The following FAT3 variants were observed in gnomAD, a reference collection of about 807,000 sequenced individuals.
FAT3 encodes protocadherin Fat 3.
FAT3 carries 95 observed loss-of-function variants against 310.2 expected under a neutral mutation model. The ratio of observed to expected loss-of-function variants is 0.31; its 90% CI spans 0.26 to 0.36. The LOEUF is 0.36. Among genes scored for constraint, FAT3 ranks in the 10% least tolerant of loss-of-function variants. The pLI, the probability that FAT3 is intolerant of heterozygous loss-of-function variation, is 1.00. For synonymous variants in FAT3, 2,314 were observed against 2,192.9 expected (o/e 1.06, Z -1.54); for missense variants, 5,408 against 5,715.6 (o/e 0.95, Z 1.74).
chr11:92,232,739 CATT>C (rs997579292), intron 1 of FAT3, among the ~76,000 whole-genome samples: 3 of 136,020 alleles, frequency 2.2e-5, no homozygotes, highest in African/African-American at 8.2e-5. Context: ...GTCTTGTAAA[CATT>C]ATGAAGCATC....
chr11:92,624,497 A>G (rs1941234203), intron 3 of FAT3, among the ~76,000 whole-genome samples: 2 of 152,202 alleles, frequency 1.3e-5, no homozygotes, highest in South Asian at 2.1e-4. Flanking sequence ...TGGACTTGCA[A>G]TACAGAAAGA....
chr11:92,697,523 C>T (rs2135907721), intron 4 of FAT3, 78 bp downstream of exon 4: 1 of 1,315,044 alleles, frequency 7.6e-7, no homozygotes, highest in East Asian at 2.3e-5. Flanking sequence ...TAAACTACAC[C>T]TTCAATATAT....
In FAT3 at chr11:92,480,233, C is replaced by G. The variant is rs566278443; in HGVS notation, c.3293-44401C>G. On this transcript the variant is annotated intron_variant, in intron 2 of 27. Coordinates refer to ENST00000525166, the MANE Select transcript of FAT3 (RefSeq NM_001367949.2). ...CGAGCCGAGATGGCACCACTGCACT[C>G]CAGCCTGGGCGACAGAGTGAGACTC... 1.6e-3 allele frequency among the ~76,000 whole-genome samples: 236 copies of G among 152,094 alleles called. 1 individual carries two copies. Among genetic ancestry groups the G allele is most frequent in the Non-Finnish European group, 1.2e-3 (82 of 68,024 alleles).
intron 3 of FAT3, among the ~76,000 whole-genome samples, chr11:92,621,033 A>G (rs1270464107): frequency 6.6e-6 from 1 of 152,186 alleles, no homozygotes; most frequent in Non-Finnish European, 1.5e-5. Context: ...CAGAGGCCTC[A>G]TTTTAAACTA....
In FAT3 at chr11:92,857,828, T is replaced by C. The variant is rs548792491; in HGVS notation, c.11500+480T>C. ...AAGTAAGCAGACTCCCTACTGGAAA[T>C]GTTTAACTAACTTCATGTTCCAGCT... On this transcript the variant is annotated intron_variant, in intron 20 of 27. Coordinates refer to ENST00000525166, the MANE Select transcript of FAT3 (RefSeq NM_001367949.2). Among the ~76,000 whole-genome samples, 3 of 152,262 alleles carry C rather than the reference T, an allele frequency of 2.0e-5. No homozygotes were observed. The South Asian group carries it at 6.2e-4, about 32-fold the overall frequency.
chr11:92,411,489 C>G (rs1353091956), intron 2 of FAT3, among the ~76,000 whole-genome samples: 1 of 152,002 alleles, frequency 6.6e-6, no homozygotes. Flanking sequence ...GTAAGAAATA[C>G]AATTTCACAG....
intron 1 of FAT3, among the ~76,000 whole-genome samples, chr11:92,259,005 G>A (rs1011584951): frequency 2.6e-5 from 4 of 151,860 alleles, no homozygotes; most frequent in Admixed American, 6.6e-5. Context: ...AATGTGGTTG[G>A]GCTGTGTGTG....
chr11:92,834,401 G>A (rs1366059487), intron 14 of FAT3, among the ~76,000 whole-genome samples: 1 of 152,182 alleles, frequency 6.6e-6, no homozygotes, highest in Non-Finnish European at 1.5e-5. Context: ...ACTTGGCAAG[G>A]CACCTTTGTG....
chr11:92,626,838 C>T (rs1941357894), intron 3 of FAT3, among the ~76,000 whole-genome samples: 1 of 152,158 alleles, frequency 6.6e-6, no homozygotes, highest in Non-Finnish European at 1.5e-5. Context: ...TTGCTTATTC[C>T]ACTTCTCATG....
At chr11:92,359,533 G>C (rs1295607282) in intron 2 of FAT3, among the ~76,000 whole-genome samples, 1 of 150,988 alleles carries the variant, frequency 6.6e-6, no homozygotes, top group African/African-American at 2.4e-5. Context: ...CATTGTGCAG[G>C]TTAGTTACAT....
At chr11:92,316,996 G>A (rs1241495701) in intron 1 of FAT3, among the ~76,000 whole-genome samples, 1 of 152,150 alleles carries the variant, frequency 6.6e-6, no homozygotes, top group Admixed American at 6.5e-5. Context: ...AGGATTTGGG[G>A]ACTTCAGGAC....
At chr11:92,796,141 G>C (rs1488250867) in intron 9 of FAT3, among the ~76,000 whole-genome samples, 1 of 151,966 alleles carries the variant, frequency 6.6e-6, no homozygotes, top group East Asian at 1.9e-4. Flanking sequence ...CATTGCTTAG[G>C]TGAAGTGATT....
At chr11:92,330,678 G>C (rs1947894608) in intron 1 of FAT3, among the ~76,000 whole-genome samples, 2 of 152,040 alleles carry the variant, frequency 1.3e-5, no homozygotes, top group Admixed American at 6.6e-5. Context: ...GCATTGTGTT[G>C]GGTGATGGAC....
At chr11:92,291,467 C>G (rs1326214537) in intron 1 of FAT3, among the ~76,000 whole-genome samples, 1 of 152,092 alleles carries the variant, frequency 6.6e-6, no homozygotes, top group Non-Finnish European at 1.5e-5. Context: ...GAGCCCAGCT[C>G]TGTGCTTCAG....
chr11:92,770,993 T>C (rs1348945957), intron 6 of FAT3, among the ~76,000 whole-genome samples: 1 of 152,156 alleles, frequency 6.6e-6, no homozygotes, highest in Non-Finnish European at 1.5e-5. Flanking sequence ...CCGAAAATGG[T>C]CAAAGAGACA....
chr11:92,620,696 T>A (rs1432554283), intron 3 of FAT3, among the ~76,000 whole-genome samples: 2 of 152,206 alleles, frequency 1.3e-5, no homozygotes, highest in Admixed American at 6.5e-5. Flanking sequence ...CTGGGCTTAT[T>A]CCTATCAAAG....
chr11:92,513,079 G>A (rs1358954952), intron 2 of FAT3, among the ~76,000 whole-genome samples: 3 of 40,194 alleles, frequency 7.5e-5, no homozygotes, highest in Admixed American at 3.0e-4. Context: ...CCGAGATCGC[G>A]CCACTGCACT....
At chr11:92,572,287 T>C (rs1434746035) in intron 3 of FAT3, among the ~76,000 whole-genome samples, 1 of 152,186 alleles carries the variant, frequency 6.6e-6, no homozygotes, top group Non-Finnish European at 1.5e-5. Context: ...TATCATCAAA[T>C]TTCATGGGTA....
intron 4 of FAT3, among the ~76,000 whole-genome samples, chr11:92,734,571 G>A (rs1338901761): frequency 6.6e-6 from 1 of 152,076 alleles, no homozygotes; most frequent in African/African-American, 2.4e-5. Context: ...TAATAATAAT[G>A]CACTAGAAAA....
Sources: gnomAD v4.1 joint callset for allele counts (sites outside exome capture counted in the v4.1 genomes callset) on GRCh38, gnomAD v4.1.1 for gene constraint, MANE v1.5 for transcripts, NCBI Gene and HGNC (gene_info 2026-07-23, HGNC 2026-07-21) for gene names.